The following HBE1 variants were observed in gnomAD, a reference collection of about 807,000 sequenced individuals.
HBE1 encodes the protein hemoglobin subunit epsilon 1, also known as hemoglobin subunit epsilon.
HBE1 carries 10 observed loss-of-function variants against 12.1 expected under a neutral mutation model. That is an observed-to-expected ratio of 0.83 (90% CI 0.51 to 1.40). The LOEUF is 1.40. Ranked by LOEUF, HBE1 falls within the 40% of genes most tolerant of loss-of-function variation. HBE1 has a pLI of 0.00. For synonymous variants in HBE1, 78 were observed against 70.4 expected (o/e 1.11, Z -0.54); for missense variants, 172 against 175.8 (o/e 0.98, Z 0.12).
rs1848170260 is a variant in HBE1 at position 5,269,628 on chromosome 11, TC to T, written c.140del (p.Gly47GlufsTer23). ...PWTQRFFDSF[G>X]NLSSPSAILG... ...GGATGGCAGAGGGAGACGACAGGTT[TC>T]CAAAGCTGTCAAAAAATCTCTGGGT... On this transcript the variant is annotated frameshift_variant, in exon 2 of 3. Coordinates refer to ENST00000396895, the MANE Select transcript of HBE1 (RefSeq NM_005330.4). LOFTEE classifies it high-confidence loss of function. 1.9e-6 allele frequency: 3 copies of T among 1,613,498 alleles called. No individual in the cohort carries two copies. The highest frequency in any genetic ancestry group is 2.5e-6 in the Non-Finnish European group (3 of 1,179,542).
rs139834545 is a variant in HBE1, at chr11:5,269,592, G to A, written c.177C>T (p.Pro59=). Reference sequence around the variant, plus strand: ...CCTTCTTGCCATGGGCCTTGACCTTGGGGTTGCCCAGGATGGCAGAGGGAG... The same window carrying A: ...CCTTCTTGCCATGGGCCTTGACCTTAGGGTTGCCCAGGATGGCAGAGGGAG... ...LSSPSAILGN[P]KVKAHGKKVL... The change falls in exon 2 of 3, where the codon CCC becomes CCT. Residue 59 remains proline, a synonymous_variant. Coordinates refer to ENST00000396895, the MANE Select transcript of HBE1 (RefSeq NM_005330.4). 3,733 of 1,613,902 alleles carry A rather than the reference G, an allele frequency of 2.3e-3. 11 individuals carry two copies. The highest frequency in any genetic ancestry group is 3.0e-3 in the Non-Finnish European group (3,530 of 1,179,846).
In HBE1 at chr11:5,269,667, A is replaced by T. The variant is rs146696000; in HGVS notation, c.102T>A (p.Val34=). 7 of 1,612,328 alleles carry T rather than the reference A, an allele frequency of 4.3e-6. No homozygotes were observed. Among genetic ancestry groups the T allele is most frequent in the Non-Finnish European group, 5.9e-6 (7 of 1,178,544 alleles). ...AGGEALGRLL[V]VYPWTQRFFD... Reference sequence around the variant, plus strand: ...AAAATCTCTGGGTCCAGGGGTAAACAACGAGGAGTCTATGAAATGACACCA... The same window carrying T: ...AAAATCTCTGGGTCCAGGGGTAAACTACGAGGAGTCTATGAAATGACACCA... Residue 34 remains valine, a synonymous_variant, in exon 2 of 3, where the codon GTT becomes GTA. Transcript: ENST00000396895.
At position 5,268,400 on chromosome 11, in the gene HBE1, C is replaced by G; in HGVS notation, c.*69G>C. 1 of 1,453,732 alleles carries G rather than the reference C, an allele frequency of 6.9e-7. No homozygotes were observed. The highest frequency in any genetic ancestry group is 9.4e-7 in the Non-Finnish European group (1 of 1,060,318). 90.1% of individuals were successfully genotyped at this position (1,453,732 alleles called of 1,614,324 possible). A position where few individuals can be genotyped will look rare whatever the true frequency, so the allele number is the denominator to read the frequency against. ...TAAACAGAAGGCTTTCTCTCAAGGC[C>G]AAGCCCAGTCCCCATGTGCAGAAGG... On this transcript the variant is annotated 3_prime_UTR_variant, in exon 3 of 3. Coordinates refer to ENST00000396895, the MANE Select transcript of HBE1 (RefSeq NM_005330.4).
intron 2 of HBE1, 21 bp from the exon 3 acceptor site, chr11:5,268,618 T>C (rs1210077243): frequency 1.2e-6 from 2 of 1,604,888 alleles, no homozygotes; most frequent in Non-Finnish European, 1.7e-6. Flanking sequence ...AAAGACAAAA[T>C]AACACACAGG....
In HBE1 at chr11:5,268,528, C is replaced by A; in HGVS notation, c.385G>T (p.Ala129Ser). 1 of 1,613,738 alleles carries A rather than the reference C, an allele frequency of 6.2e-7. No individual in the cohort carries two copies. The highest frequency in any genetic ancestry group is 8.5e-7 in the Non-Finnish European group (1 of 1,179,690). ...FGKEFTPEVQ[A>S]AWQKLVSAVA... is the part of the protein sequence containing the mutation. ...GCAGACACCAGCTTCTGCCAGGCAG[C>A]CTGCACTTCAGGGGTGAACTCCTTG... The change falls in exon 3 of 3, where the codon GCT becomes TCT. Residue 129 changes from alanine to serine, a missense_variant. By Grantham distance (99) the Ala-to-Ser change is moderately conservative (BLOSUM62 1). Coordinates refer to ENST00000396895, the MANE Select transcript of HBE1 (RefSeq NM_005330.4).
At position 5,269,680 on chromosome 11, in the gene HBE1, T is replaced by C; in HGVS notation, c.93-4A>G. 6.2e-7 allele frequency: 1 copy of C among 1,607,024 alleles called. No homozygotes were observed. Among genetic ancestry groups the C allele is most frequent in the Non-Finnish European group, 8.5e-7 (1 of 1,173,854 alleles). On this transcript the variant is annotated splice_polypyrimidine_tract_variant and splice_region_variant and intron_variant, in intron 1 of 2. Coordinates refer to ENST00000396895, the MANE Select transcript of HBE1 (RefSeq NM_005330.4). ...CCAGGGGTAAACAACGAGGAGTCTA[T>C]GAAATGACACCATATCAGATACAAA...
chr11:5,269,733 T>G, intron 1 of HBE1, 57 bp from the exon 2 acceptor site: 1 of 1,572,262 alleles, frequency 6.4e-7, no homozygotes, highest in African/African-American at 1.3e-5. Flanking sequence ...TCTTGAGGAC[T>G]TTCCCAATCA....
intron 2 of HBE1, 66 bp from the exon 3 acceptor site, chr11:5,268,663 GAAAAAACAAACA>G: frequency 9.2e-7 from 1 of 1,089,712 alleles, no homozygotes; most frequent in African/African-American, 2.9e-5. Flanking sequence ...ACAACTTGAT[GAAAAAACAAACA>G]AACAAACAAA....
chr11:5,269,076 T>C (rs1346146980), intron 2 of HBE1, among the ~76,000 whole-genome samples: 1 of 152,200 alleles, frequency 6.6e-6, no homozygotes, highest in Non-Finnish European at 1.5e-5. Flanking sequence ...AAAATCTCTT[T>C]CTAAACCTCA....
chr11:5,268,531 G>C lies in HBE1; in HGVS notation c.382C>G (p.Gln128Glu). 6.2e-7 allele frequency: 1 copy of C among 1,613,706 alleles called. No homozygotes were observed. Among genetic ancestry groups the C allele is most frequent in the Non-Finnish European group, 8.5e-7 (1 of 1,179,628 alleles). ...GACACCAGCTTCTGCCAGGCAGCCT[G>C]CACTTCAGGGGTGAACTCCTTGCCA... ...HFGKEFTPEV[Q>E]AAWQKLVSAV... is the part of the protein sequence containing the mutation. Residue 128 changes from glutamine (Q) to glutamate (E), a missense_variant, in exon 3 of 3, where the codon CAG becomes GAG. Physicochemically the swap from Gln to Glu is conservative, Grantham distance 29. Coordinates refer to ENST00000396895, the MANE Select transcript of HBE1 (RefSeq NM_005330.4).
intron 2 of HBE1, 32 bp from the exon 3 acceptor site, chr11:5,268,629 C>T (rs377159462): frequency 3.3e-5 from 52 of 1,569,424 alleles, no homozygotes; most frequent in Middle Eastern, 1.7e-4. Context: ...AACACACAGG[C>T]ATGTTGAGTA....
chr11:5,269,390 TA>T, intron 2 of HBE1, 63 bp downstream of exon 2: 1 of 1,131,636 alleles, frequency 8.8e-7, no homozygotes, highest in Non-Finnish European at 1.4e-6. Flanking sequence ...CCAATAAGAT[TA>T]TGAGCTTCAA....
intron 2 of HBE1, 85 bp from the exon 3 acceptor site, chr11:5,268,682 C>CAAAT: frequency 1.5e-6 from 2 of 1,350,052 alleles, no homozygotes; most frequent in East Asian, 2.3e-5. Context: ...AACAAACAAA[C>CAAAT]AAAAACGGCT....
In HBE1 at chr11:5,269,551, C is replaced by G; in HGVS notation, c.218G>C (p.Gly73Ala). The change falls in exon 2 of 3, where the codon GGA (glycine) becomes GCA (alanine). Residue 73 changes from glycine to alanine, a missense_variant. Physicochemically the swap from Gly to Ala is moderately conservative, Grantham distance 60 (BLOSUM62 0). Coordinates refer to ENST00000396895, the MANE Select transcript of HBE1 (RefSeq NM_005330.4). ...AHGKKVLTSF[G>A]DAIKNMDNLK... is the part of the protein sequence containing the mutation. ...GTTGTCCATGTTTTTAATAGCATCTCCAAAGGAAGTCAGCACCTTCTTGCC... is the reference window on the plus strand; with the variant it reads ...GTTGTCCATGTTTTTAATAGCATCTGCAAAGGAAGTCAGCACCTTCTTGCC... 1 of 1,614,010 alleles carries G rather than the reference C, an allele frequency of 6.2e-7. No homozygotes were observed. Among genetic ancestry groups the G allele is most frequent in the Middle Eastern group, 1.7e-4 (1 of 6,060 alleles).
Position 5,269,601 on chromosome 11 carries a change from C to T in HBE1, c.168G>A (p.Leu56=). The T allele has an allele frequency of 6.2e-7, 1 of 1,613,412 alleles. No homozygotes were observed. Among genetic ancestry groups the T allele is most frequent in the South Asian group, 1.1e-5 (1 of 91,070 alleles). The change falls in exon 2 of 3, where the codon CTG becomes CTA. Residue 56 remains leucine (L), a synonymous_variant. Transcript: ENST00000396895. Reference sequence around the variant, plus strand: ...CATGGGCCTTGACCTTGGGGTTGCCCAGGATGGCAGAGGGAGACGACAGGT... The same window carrying T: ...CATGGGCCTTGACCTTGGGGTTGCCTAGGATGGCAGAGGGAGACGACAGGT... ...FGNLSSPSAI[L]GNPKVKAHGK... is the part of the protein sequence containing the mutation.
intron 2 of HBE1, 148 bp from the exon 3 acceptor site, chr11:5,268,745 C>A (rs1473653662): frequency 1.6e-5 from 11 of 698,262 alleles, no homozygotes; most frequent in South Asian, 1.5e-4. Flanking sequence ...AAGGTTTGTG[C>A]CCACCCAAAA....
rs749137699 is a variant in HBE1, at chr11:5,269,690, C to G, written c.93-14G>C. 1 of 1,595,754 alleles carries G rather than the reference C, an allele frequency of 6.3e-7. No homozygotes were observed. The highest frequency in any genetic ancestry group is 1.3e-5 in the African/African-American group (1 of 74,440). ...ACAACGAGGAGTCTATGAAATGACA[C>G]CATATCAGATACAAAATTAGAGATG... is the stretch of plus-strand genomic sequence containing the variant. On this transcript the variant is annotated splice_polypyrimidine_tract_variant and intron_variant, in intron 1 of 2. Transcript: ENST00000396895.
At position 5,269,565 on chromosome 11, in the gene HBE1, C is replaced by G; in HGVS notation, c.204G>C (p.Val68=). 1.2e-6 allele frequency: 2 copies of G among 1,613,960 alleles called. No individual in the cohort carries two copies. Among genetic ancestry groups the G allele is most frequent in the Non-Finnish European group, 1.7e-6 (2 of 1,179,842 alleles). The part of the protein sequence containing the change: ...NPKVKAHGKK[V]LTSFGDAIKN... ...TAATAGCATCTCCAAAGGAAGTCAG[C>G]ACCTTCTTGCCATGGGCCTTGACCT... The change falls in exon 2 of 3, where the codon GTG becomes GTC. Residue 68 remains valine, a synonymous_variant. Coordinates refer to ENST00000396895, the MANE Select transcript of HBE1 (RefSeq NM_005330.4).
At position 5,269,909 on chromosome 11, in the gene HBE1, T is replaced by C. The variant is rs753486191; in HGVS notation, c.-19A>G. On this transcript the variant is annotated 5_prime_UTR_variant, in exon 1 of 3. Coordinates refer to ENST00000396895, the MANE Select transcript of HBE1 (RefSeq NM_005330.4). ...GCACCATGATGCCAGGCCTGAGAGC[T>C]TGCTAGTGATTGCAGCTGTGTCGGA... 1 of 1,551,620 alleles carries C rather than the reference T, an allele frequency of 6.4e-7. No homozygotes were observed. The highest frequency in any genetic ancestry group is 8.9e-7 in the Non-Finnish European group (1 of 1,124,046).
Sources: gnomAD v4.1 joint callset for allele counts (sites outside exome capture counted in the v4.1 genomes callset) on GRCh38, gnomAD v4.1.1 for gene constraint, MANE v1.5 for transcripts, NCBI Gene and HGNC (gene_info 2026-07-23, HGNC 2026-07-21) for gene names.